The following COL1A1 variants were observed in gnomAD, a reference collection of about 807,000 sequenced individuals.
COL1A1 encodes the protein collagen alpha-1(I) chain.
In COL1A1, 21 loss-of-function variants were observed where a neutral mutation model predicts 195.7. That is an observed-to-expected ratio of 0.11 (90% CI 0.08 to 0.15). The LOEUF (loss-of-function observed/expected upper bound fraction) is 0.15. Among genes scored for constraint, COL1A1 ranks in the 10% least tolerant of loss-of-function variants. The pLI is 1.00. For synonymous variants in COL1A1, 749 were observed against 747.3 expected, an observed-to-expected ratio of 1.00 and a Z score of -0.04; for missense variants, 1,365 against 2,051.0, an observed-to-expected ratio of 0.67 and a Z score of 6.46.
Position 50,195,326 on chromosome 17 carries a change from G to C in COL1A1, c.1205C>G (p.Ala402Gly). The C allele has an allele frequency of 6.2e-7, 1 of 1,613,946 alleles. No homozygotes were observed. The highest frequency in any genetic ancestry group is 2.2e-5 in the East Asian group (1 of 44,838). ...GQPGAKGANG[A>G]PGIAGAPGFP... is the part of the protein sequence containing the mutation. ...GCCAGGAGCACCAGCAATACCAGGA[G>C]CACCCTGTGGGAGGCAGACAGCCAG... The change falls in exon 19 of 51, where the codon GCT becomes GGT. Residue 402 changes from alanine (A) to glycine (G), a missense_variant. By Grantham distance (60) the Ala-to-Gly change is moderately conservative (BLOSUM62 0). Coordinates refer to ENST00000225964, the MANE Select transcript of COL1A1 (RefSeq NM_000088.4). The surrounding 1 kb of genome is among the most constrained non-coding windows in gnomAD (Gnocchi z 4.3).
Position 50,186,874 on chromosome 17 carries a change from C to T in COL1A1, c.3580G>A (p.Ala1194Thr), listed in dbSNP as rs769571473. 51 of 1,613,868 alleles carry T rather than the reference C, an allele frequency of 3.2e-5. No homozygotes were observed. The highest frequency in any genetic ancestry group is 1.6e-4 in the Middle Eastern group (1 of 6,084). Residue 1194 changes from alanine to threonine, a missense_variant, in exon 48 of 51, where the codon GCT becomes ACT. Around this residue, in one of 5 missense-constraint regions of COL1A1, gnomAD observed 671 missense variants for 1,099.9 expected, o/e 0.61. Coordinates refer to ENST00000225964, the MANE Select transcript of COL1A1 (RefSeq NM_000088.4). The surrounding 1 kb of genome is among the most constrained non-coding windows in gnomAD (Gnocchi z 5.3). ...GGCAGGAAGCTGAAGTCGAAACCAG[C>T]GCTGGGAGGACCAGGGGGACCAGGA... is the stretch of plus-strand genomic sequence containing the variant. Reference protein sequence around the residue: ...GPPGPPGPPSAGFDFSFLPQP... With the variant: ...GPPGPPGPPSTGFDFSFLPQP...
Position 50,186,009 on chromosome 17 carries a change from G to A in COL1A1, c.4017C>T (p.Gly1339=), listed in dbSNP as rs201256042. 73 of 1,613,086 alleles carry A rather than the reference G, an allele frequency of 4.5e-5. No homozygotes were observed. Among genetic ancestry groups the A allele is most frequent in the Non-Finnish European group, 5.6e-5 (66 of 1,180,014 alleles). ...CATCGGCAGGGTCGGAGCCCTGGCC[G>A]CCATACTCGAACTGCAGGGGAGGGG... ...SMTDGFQFEY[G]GQGSDPADVA... is the part of the protein sequence containing the mutation. Residue 1339 remains glycine, a synonymous_variant, in exon 50 of 51, where the codon GGC becomes GGT. Coordinates refer to ENST00000225964, the MANE Select transcript of COL1A1 (RefSeq NM_000088.4). The surrounding 1 kb of genome is among the most constrained non-coding windows in gnomAD (Gnocchi z 5.3).
chr17:50,196,088 A>T lies in COL1A1; in HGVS notation c.1002+67T>A, dbSNP rs369209824. The T allele has an allele frequency of 1.2e-4, 186 of 1,610,754 alleles. 1 individual carries two copies. The African/African-American group carries it at 2.1e-3, about 18-fold the overall frequency. On this transcript the variant is annotated intron_variant, in intron 15 of 50. Transcript: ENST00000225964. The stretch of plus-strand genomic sequence containing the variant: ...ACCAACATAACCTGCTCCCATTGTC[A>T]GCCCCAAGAGCAGATACTGAGACCC...
rs562574340 is a variant in COL1A1 at position 50,194,161 on chromosome 17, C to A, written c.1637G>T (p.Ser546Ile). ...GAKGLTGSPG[S>I]PGPDGKTGPP... is the part of the protein sequence containing the mutation. ...GCCAGTTTTGCCATCAGGACCAGGG[C>A]TGCCAGGGCTTCCAGTCAGACCCTA... Residue 546 changes from serine to isoleucine, a missense_variant, in exon 24 of 51, where the codon AGC becomes ATC. Coordinates refer to ENST00000225964, the MANE Select transcript of COL1A1 (RefSeq NM_000088.4). The surrounding 1 kb of genome is among the most constrained non-coding windows in gnomAD (Gnocchi z 6.8). The A allele has an allele frequency of 1.9e-6, 3 of 1,613,748 alleles. No homozygotes were observed. The African/African-American group carries it at 4.0e-5, about 22-fold the overall frequency.
chr17:50,200,847 G>C (rs1462978479), intron 1 of COL1A1, among the ~76,000 whole-genome samples: 1 of 152,184 alleles, frequency 6.6e-6, no homozygotes, highest in South Asian at 2.1e-4. Flanking sequence ...CCCAGTAAGC[G>C]TTGGACCGGG....
intron 1 of COL1A1, 132 bp downstream of exon 1, chr17:50,201,279 A>G: frequency 1.2e-6 from 1 of 838,120 alleles, no homozygotes; most frequent in Non-Finnish European, 1.9e-6. Flanking sequence ...GCGCCGAGGA[A>G]GAGCCCTCAT....
chr17:50,191,003 C>A, intron 32 of COL1A1, 79 bp from the exon 33 acceptor site: 1 of 1,323,804 alleles, frequency 7.6e-7, no homozygotes, highest in Non-Finnish European at 1.1e-6. Context: ...GTCTGGGTTT[C>A]CTGAGAGGCC....
Position 50,188,836 on chromosome 17 carries a change from A to C in COL1A1, c.3046-41T>G, listed in dbSNP as rs1906804287. 6.2e-7 allele frequency: 1 copy of C among 1,610,934 alleles called. No homozygotes were observed. Among genetic ancestry groups the C allele is most frequent in the East Asian group, 2.2e-5 (1 of 44,864 alleles). The stretch of plus-strand genomic sequence containing the variant: ...GAGAGAAGTGAGAGTCAGCCGGGGA[A>C]GAGGGCTTAGGCAAGGCCACAATGG... On this transcript the variant is annotated intron_variant, in intron 41 of 50. Coordinates refer to ENST00000225964, the MANE Select transcript of COL1A1 (RefSeq NM_000088.4). The surrounding 1 kb of genome is among the most constrained non-coding windows in gnomAD (Gnocchi z 5.6).
intron 25 of COL1A1, 128 bp from the exon 26 acceptor site, chr17:50,193,175 G>A: frequency 1.1e-6 from 1 of 929,268 alleles, no homozygotes; most frequent in Non-Finnish European, 1.7e-6. Context: ...GGCCCCCGGG[G>A]AATGCCCCTG....
intron 25 of COL1A1, chr17:50,193,382 C>T (rs1907270295): frequency 8.9e-6 from 4 of 447,172 alleles, no homozygotes; most frequent in Non-Finnish European, 1.6e-5. Flanking sequence ...TGTCCTATCC[C>T]CACGTGTCGG....
At chr17:50,191,005 T>C (rs1907027095) in intron 32 of COL1A1, 81 bp from the exon 33 acceptor site, 6 of 1,327,846 alleles carry the variant, frequency 4.5e-6, no homozygotes, top group East Asian at 4.8e-5. Flanking sequence ...CTGGGTTTCC[T>C]GAGAGGCCCT....
intron 1 of COL1A1, chr17:50,200,172 T>C: frequency 1.7e-6 from 1 of 576,720 alleles, no homozygotes; most frequent in Non-Finnish European, 3.1e-6. Context: ...CTCAGGAATT[T>C]AAACAAAGCT....
intron 15 of COL1A1, 24 bp downstream of exon 15, chr17:50,196,131 C>T (rs1318738705): frequency 6.2e-7 from 1 of 1,613,666 alleles, no homozygotes; most frequent in Non-Finnish European, 8.5e-7. Context: ...CTCCCAGGCC[C>T]TGAGGCCTAC....
chr17:50,192,440 A>G (rs1316243796), intron 29 of COL1A1, 35 bp downstream of exon 29: 15 of 1,573,148 alleles, frequency 9.5e-6, no homozygotes, highest in Non-Finnish European at 9.5e-6. Flanking sequence ...GATTCCCTGC[A>G]TCTCCCACCC....
At position 50,197,238 on chromosome 17, in the gene COL1A1, G is replaced by C. The variant is rs530547240; in HGVS notation, c.697-5C>G. On this transcript the variant is annotated splice_region_variant and splice_polypyrimidine_tract_variant and intron_variant, in intron 9 of 50. Coordinates refer to ENST00000225964, the MANE Select transcript of COL1A1 (RefSeq NM_000088.4). Reference sequence around the variant, plus strand: ...ACCAGGTTTTCCAGCTTCCCCCTGAGAGGGAGAGAAAAGACCATCATGCCT... The same window carrying C: ...ACCAGGTTTTCCAGCTTCCCCCTGACAGGGAGAGAAAAGACCATCATGCCT... 1.9e-6 allele frequency: 3 copies of C among 1,612,570 alleles called. No individual in the cohort carries two copies. The highest frequency in any genetic ancestry group is 2.2e-5 in the East Asian group (1 of 44,888).
At chr17:50,187,668 T>G in intron 45 of COL1A1, 131 bp from the exon 46 acceptor site, 1 of 1,064,210 alleles carries the variant, frequency 9.4e-7, no homozygotes, top group Non-Finnish European at 1.4e-6. Flanking sequence ...AGCCCGAGGG[T>G]GTCCATAGGC....
intron 26 of COL1A1, 22 bp downstream of exon 26, chr17:50,192,972 G>A (rs201222225): frequency 1.5e-4 from 250 of 1,613,620 alleles, no homozygotes; most frequent in Non-Finnish European, 1.9e-4. Flanking sequence ...GAAGGAGGTA[G>A]GGATGGAAAG....
Position 50,185,640 on chromosome 17 carries a change from G to A in COL1A1, c.4257C>T (p.Thr1419=), listed in dbSNP as rs144134990. 969 of 1,613,862 alleles carry A rather than the reference G, an allele frequency of 6.0e-4. 2 individuals carry two copies. The African/African-American group carries it at 8.0e-3, about 13-fold the overall frequency. ...SVTVDGCTSH[T]GAWGKTVIEY... The stretch of plus-strand genomic sequence containing the variant: ...CAATCACTGTCTTGCCCCAGGCTCC[G>A]GTGTGACTCTGGGGTGGGGCGGAGA... Residue 1419 remains threonine, a synonymous_variant, in exon 51 of 51, where the codon ACC becomes ACT. Coordinates refer to ENST00000225964, the MANE Select transcript of COL1A1 (RefSeq NM_000088.4).
rs1906347667 is a variant in COL1A1 at position 50,184,976 on chromosome 17, TG to T, written c.*525del. On this transcript the variant is annotated 3_prime_UTR_variant, in exon 51 of 51. Coordinates refer to ENST00000225964, the MANE Select transcript of COL1A1 (RefSeq NM_000088.4). ...TGAGAACCCCAGGTCCCCCAGGGCC[TG>T]GGGGTGCTGGGCGGGCAGGAGCGGG... 1 of 229,650 alleles carries T rather than the reference TG, an allele frequency of 4.4e-6. No homozygotes were observed. Among genetic ancestry groups the T allele is most frequent in the African/African-American group, 2.2e-5 (1 of 45,064 alleles). The allele number at this position is 229,650 out of a possible 1,614,324, so 14.2% of individuals were successfully genotyped here.
Sources: gnomAD v4.1 joint callset for allele counts (sites outside exome capture counted in the v4.1 genomes callset) on GRCh38, gnomAD v4.1.1 for gene constraint, gnomAD v4.1.1 regional missense constraint, Gnocchi (gnomAD v3.1) non-coding constraint, MANE v1.5 for transcripts, NCBI Gene and HGNC (gene_info 2026-07-23, HGNC 2026-07-21) for gene names.